The following PDZRN4 variants were observed in gnomAD, a reference collection of about 807,000 sequenced individuals.
PDZRN4 encodes PDZ domain containing ring finger 4, also known as PDZ domain-containing RING finger protein 4.
In PDZRN4, 70 loss-of-function variants were observed where a neutral mutation model predicts 99.0. The observed-to-expected ratio is 0.71, with a 90% CI of 0.58 to 0.86. PDZRN4 has a LOEUF of 0.86. Ranked by LOEUF, PDZRN4 falls within the 40% of genes least tolerant of loss-of-function variation. The probability of loss-of-function intolerance (pLI) is 0.00; values close to 1 mark genes in which losing one functional copy is unlikely to be tolerated. For synonymous variants in PDZRN4, 551 were observed against 501.6 expected, an observed-to-expected ratio of 1.10 and a Z score of -1.32; for missense variants, 1,474 against 1,331.2, an observed-to-expected ratio of 1.11 and a Z score of -1.67.
chr12:41,528,918 T>G (rs1397238828), intron 5 of PDZRN4, among the ~76,000 whole-genome samples: 7 of 151,142 alleles, frequency 4.6e-5, no homozygotes, highest in African/African-American at 1.7e-4. Context: ...TTTTAAGTCC[T>G]TTTTTTTTGC....
At chr12:41,437,953 C>T (rs1252336499) in intron 3 of PDZRN4, 1 of 1,613,974 alleles carries the variant, frequency 6.2e-7, no homozygotes, top group African/African-American at 1.3e-5. Context: ...GAATGGGCTG[C>T]AATTTGTGCA....
At chr12:41,203,529 T>C (rs1230655138) in intron 3 of PDZRN4, among the ~76,000 whole-genome samples, 1 of 152,000 alleles carries the variant, frequency 6.6e-6, no homozygotes, top group East Asian at 1.9e-4. Flanking sequence ...TAATTATTGG[T>C]TATTATATGT....
chr12:41,305,854 A>C (rs1951566287), intron 3 of PDZRN4, among the ~76,000 whole-genome samples: 2 of 152,068 alleles, frequency 1.3e-5, no homozygotes, highest in African/African-American at 2.4e-5. Context: ...TCCAGCATCA[A>C]CTTTTAAGTC....
intron 3 of PDZRN4, among the ~76,000 whole-genome samples, chr12:41,203,853 A>G (rs1950832159): frequency 6.6e-6 from 1 of 152,006 alleles, no homozygotes; most frequent in African/African-American, 2.4e-5. Context: ...TTTGCTTTTT[A>G]TGGTATAGAC....
intron 3 of PDZRN4, among the ~76,000 whole-genome samples, chr12:41,240,033 T>A (rs1945350388): frequency 6.6e-6 from 1 of 152,182 alleles, no homozygotes; most frequent in Non-Finnish European, 1.5e-5. Flanking sequence ...ATGGAGTAAA[T>A]CACTGAAGCA....
intron 5 of PDZRN4, among the ~76,000 whole-genome samples, chr12:41,530,472 T>A (rs115050319): frequency 0.011 from 1,629 of 152,348 alleles, 24 homozygotes; most frequent in African/African-American, 0.037. Context: ...TCACTCGTGT[T>A]CACTGCTATA....
At chr12:41,490,884 C>G (rs887992137) in intron 3 of PDZRN4, among the ~76,000 whole-genome samples, 1 of 152,130 alleles carries the variant, frequency 6.6e-6, no homozygotes, top group African/African-American at 2.4e-5. Flanking sequence ...CAAAGTCCAT[C>G]TTCTCAGCCC....
At chr12:41,256,295 T>C (rs1356855057) in intron 3 of PDZRN4, among the ~76,000 whole-genome samples, 2 of 152,136 alleles carry the variant, frequency 1.3e-5, no homozygotes, top group Non-Finnish European at 1.5e-5. Context: ...TCCAACTATC[T>C]CAGAGTCAAA....
chr12:41,546,288 T>G (rs1416356881), intron 5 of PDZRN4, among the ~76,000 whole-genome samples: 1 of 152,144 alleles, frequency 6.6e-6, no homozygotes, highest in Non-Finnish European at 1.5e-5. Flanking sequence ...AGTTGAGGAT[T>G]TCGGAACTCT....
intron 9 of PDZRN4, among the ~76,000 whole-genome samples, chr12:41,570,313 T>C (rs1939451207): frequency 6.6e-6 from 1 of 152,180 alleles, no homozygotes; most frequent in Admixed American, 6.5e-5. Context: ...AATAATTCCA[T>C]AGGGAAATGA....
chr12:41,574,012 T>G lies in PDZRN4; in HGVS notation c.*122T>G. 1.7e-6 allele frequency: 1 copy of G among 587,096 alleles called. No homozygotes were observed. The allele number at this position is 587,096 out of a possible 1,614,324, so 36.4% of individuals were successfully genotyped here. A position where few individuals can be genotyped will look rare whatever the true frequency, so the allele number is the denominator to read the frequency against. On this transcript the variant is annotated 3_prime_UTR_variant, in exon 10 of 10. Transcript: ENST00000402685. The stretch of plus-strand genomic sequence containing the variant: ...TTTGTGACTCTTTATAGTTTAAATT[T>G]TTTGTAAGCAAAAAATACCTGGTAA...
rs180691091 is a variant in PDZRN4, at chr12:41,472,051, G to A, written c.844-34405G>A. Among the ~76,000 whole-genome samples the A allele has an allele frequency of 2.0e-5, 3 of 147,412 alleles. No individual in the cohort carries two copies. The East Asian group carries it at 5.9e-4, about 29-fold the overall frequency. On this transcript the variant is annotated intron_variant, in intron 3 of 9. Transcript: ENST00000402685. The stretch of plus-strand genomic sequence containing the variant: ...GAGTTTCACTCTTCTTGCCCAGGCT[G>A]GAGTGCAGTGGCACGTCTCGGCTCA...
intron 3 of PDZRN4, among the ~76,000 whole-genome samples, chr12:41,391,554 G>A (rs1480412910): frequency 1.3e-5 from 2 of 152,122 alleles, no homozygotes; most frequent in Non-Finnish European, 2.9e-5. Context: ...ACTGAGGCTC[G>A]TGTCAAGGAA....
intron 3 of PDZRN4, among the ~76,000 whole-genome samples, chr12:41,239,163 G>A (rs191433560): frequency 3.9e-4 from 60 of 152,312 alleles, no homozygotes; most frequent in Admixed American, 3.3e-3. Context: ...GTCCTTTGCA[G>A]GGGCATGGAT....
chr12:41,249,258 C>T (rs1951153235), intron 3 of PDZRN4, among the ~76,000 whole-genome samples: 1 of 152,170 alleles, frequency 6.6e-6, no homozygotes. Flanking sequence ...GCAAGTACTT[C>T]TGCACTGACC....
At chr12:41,470,303 C>A (rs1033141309) in intron 3 of PDZRN4, among the ~76,000 whole-genome samples, 10 of 152,152 alleles carry the variant, frequency 6.6e-5, no homozygotes, top group Non-Finnish European at 1.5e-4. Context: ...TGGCAAAAAT[C>A]TCCTCCAGGA....
At chr12:41,199,746 G>A (rs1950802250) in intron 3 of PDZRN4, among the ~76,000 whole-genome samples, 1 of 152,118 alleles carries the variant, frequency 6.6e-6, no homozygotes, top group African/African-American at 2.4e-5. Flanking sequence ...ATTACCTTAG[G>A]TGAAATCACT....
chr12:41,280,153 C>T (rs1011607949), intron 3 of PDZRN4, among the ~76,000 whole-genome samples: 2 of 152,156 alleles, frequency 1.3e-5, no homozygotes, highest in Admixed American at 6.5e-5. Context: ...CCCTGAGGGA[C>T]CCTGCCATGA....
chr12:41,288,131 C>CA lies in PDZRN4; in HGVS notation c.843+93949dup, dbSNP rs547322463. Among the ~76,000 whole-genome samples the CA allele has an allele frequency of 5.9e-5, 9 of 152,128 alleles. No individual in the cohort carries two copies. The South Asian group carries it at 1.2e-3, about 21-fold the overall frequency. ...ATAATTTATCAGCATTATGATGGCA[C>CA]AAAAAAGGCAGTCTTATGAGTAATA... On this transcript the variant is annotated intron_variant, in intron 3 of 9. Transcript: ENST00000402685.
Sources: gnomAD v4.1 joint callset for allele counts (sites outside exome capture counted in the v4.1 genomes callset) on GRCh38, gnomAD v4.1.1 for gene constraint, MANE v1.5 for transcripts, NCBI Gene and HGNC (gene_info 2026-07-23, HGNC 2026-07-21) for gene names.